Variants in CSMD1 observed in about 807,000 individuals in gnomAD.
The protein encoded by CSMD1 is CUB and Sushi multiple domains 1, also known as CUB and sushi domain-containing protein 1.
Under a neutral mutation model 417.5 loss-of-function variants are expected in CSMD1, and 213 were observed. The observed-to-expected ratio is 0.51, with a 90% CI of 0.46 to 0.57. The LOEUF (loss-of-function observed/expected upper bound fraction) is 0.57, where lower values mean the gene tolerates loss of function less well. Among genes scored for constraint, CSMD1 ranks in the 20% least tolerant of loss-of-function variants. The pLI is 0.00. For missense variants in CSMD1, 6,923 were observed against 4,529.7 expected (o/e 1.53, Z -15.17); for synonymous variants, 2,862 against 1,736.8 (o/e 1.65, Z -16.11).
At chr8:4,249,346 C>T (rs148174979) in intron 3 of CSMD1, among the ~76,000 whole-genome samples, 19 of 152,260 alleles carry the variant, frequency 1.2e-4, no homozygotes, top group East Asian at 1.2e-3. Flanking sequence ...TGGAATAAAG[C>T]GGTGTTCAGT....
Position 3,012,985 on chromosome 8 carries a change from C to G in CSMD1, c.8029+5492G>C, listed in dbSNP as rs181741383. On this transcript the variant is annotated intron_variant, in intron 52 of 69. Transcript: ENST00000635120. ...AAAGGGGAGTTCCCCTGCACACGCTCTCTTGCCTGTCACCATGTAAGATGT... is the reference window on the plus strand; with the variant it reads ...AAAGGGGAGTTCCCCTGCACACGCTGTCTTGCCTGTCACCATGTAAGATGT... 1.2e-4 allele frequency among the ~76,000 whole-genome samples: 18 copies of G among 152,362 alleles called. No individual in the cohort carries two copies. In the East Asian group the frequency reaches 2.7e-3, roughly 23 times the overall value.
chr8:3,227,387 G>C (rs975269629), intron 27 of CSMD1, among the ~76,000 whole-genome samples: 1 of 152,096 alleles, frequency 6.6e-6, no homozygotes, highest in Non-Finnish European at 1.5e-5. Context: ...AACTGAGTGA[G>C]ACTCTACCTC....
chr8:4,695,376 T>A (rs1303303918), intron 1 of CSMD1, among the ~76,000 whole-genome samples: 1 of 152,224 alleles, frequency 6.6e-6, no homozygotes, highest in Non-Finnish European at 1.5e-5. Context: ...TGTTCACATG[T>A]GTTATTTACA....
At chr8:4,222,265 G>A (rs1801075151) in intron 3 of CSMD1, among the ~76,000 whole-genome samples, 1 of 152,096 alleles carries the variant, frequency 6.6e-6, no homozygotes, top group Admixed American at 6.5e-5. Context: ...TCTTTTCCCA[G>A]TTATGATTTT....
intron 7 of CSMD1, among the ~76,000 whole-genome samples, chr8:3,634,946 C>G (rs2449214): frequency 3.9e-5 from 6 of 152,154 alleles, no homozygotes; most frequent in African/African-American, 1.4e-4. Flanking sequence ...CCACATGTGA[C>G]TGTACTGAAT....
chr8:4,462,373 T>A (rs1318131148), intron 2 of CSMD1, among the ~76,000 whole-genome samples: 1 of 152,132 alleles, frequency 6.6e-6, no homozygotes, highest in African/African-American at 2.4e-5. Context: ...AAATATTTCA[T>A]GTACATGAAT....
At chr8:4,894,389 C>A (rs758130415) in intron 1 of CSMD1, among the ~76,000 whole-genome samples, 1 of 151,698 alleles carries the variant, frequency 6.6e-6, no homozygotes, top group African/African-American at 2.4e-5. Context: ...TTCATATTCT[C>A]TCTTTCACTC....
intron 5 of CSMD1, among the ~76,000 whole-genome samples, chr8:3,838,547 A>G (rs1448063609): frequency 8.0e-6 from 1 of 124,704 alleles, no homozygotes; most frequent in African/African-American, 3.3e-5. Flanking sequence ...CTATATATGT[A>G]CTCTCTGTAG....
chr8:4,177,499 C>G (rs1443175289), intron 3 of CSMD1, among the ~76,000 whole-genome samples: 1 of 151,812 alleles, frequency 6.6e-6, no homozygotes, highest in Non-Finnish European at 1.5e-5. Context: ...AAATTGACAC[C>G]CGAACATCAC....
intron 1 of CSMD1, among the ~76,000 whole-genome samples, chr8:4,736,685 C>A (rs548724788): frequency 2.0e-5 from 3 of 151,970 alleles, no homozygotes; most frequent in Non-Finnish European, 2.9e-5. Context: ...GAAGATAAAT[C>A]GCAGGAAAAA....
At chr8:4,787,929 G>A in intron 1 of CSMD1, 2 of 1,592,234 alleles carry the variant, frequency 1.3e-6, no homozygotes, top group East Asian at 2.2e-5. Flanking sequence ...TGTTCTTGCT[G>A]ATGTAATTGA....
At chr8:4,344,054 C>T (rs1800637176) in intron 3 of CSMD1, among the ~76,000 whole-genome samples, 1 of 152,094 alleles carries the variant, frequency 6.6e-6, no homozygotes, top group Non-Finnish European at 1.5e-5. Context: ...TGTGTATGTG[C>T]GTGTGCGCAC....
chr8:4,384,447 G>T (rs899138317), intron 3 of CSMD1, among the ~76,000 whole-genome samples: 2 of 152,060 alleles, frequency 1.3e-5, no homozygotes, highest in Non-Finnish European at 2.9e-5. Flanking sequence ...ACACTTGCTG[G>T]TTTTTTCAAA....
intron 3 of CSMD1, among the ~76,000 whole-genome samples, chr8:4,321,066 T>A (rs960149680): frequency 3.3e-5 from 5 of 152,210 alleles, no homozygotes; most frequent in African/African-American, 7.2e-5. Context: ...AGATCTCTTA[T>A]GAAGTCTTGT....
rs1338687591 is a variant in CSMD1 at position 4,053,504 on chromosome 8, C to T, written c.416-21405G>A. Among the ~76,000 whole-genome samples, 5 of 152,132 alleles carry T rather than the reference C, an allele frequency of 3.3e-5. No individual in the cohort carries two copies. In the East Asian group the frequency reaches 7.7e-4, roughly 24 times the overall value. On this transcript the variant is annotated intron_variant, in intron 3 of 69. Coordinates refer to ENST00000635120, the MANE Select transcript of CSMD1 (RefSeq NM_033225.6). ...ACGCAATATATTCTTAAAACACCAT[C>T]GCAATCAAAATATGAAACACTTTTG...
chr8:4,183,951 C>T (rs954906057), intron 3 of CSMD1, among the ~76,000 whole-genome samples: 1 of 152,086 alleles, frequency 6.6e-6, no homozygotes, highest in Non-Finnish European at 1.5e-5. Context: ...ATGAACTGCT[C>T]CTGAGAACAC....
intron 5 of CSMD1, among the ~76,000 whole-genome samples, chr8:3,821,165 G>A (rs556918920): frequency 2.6e-5 from 4 of 152,024 alleles, no homozygotes; most frequent in Non-Finnish European, 5.9e-5. Flanking sequence ...TGATCCACCC[G>A]CCTCGGCCTC....
intron 3 of CSMD1, among the ~76,000 whole-genome samples, chr8:4,097,111 C>G (rs949779776): frequency 1.3e-5 from 2 of 152,092 alleles, no homozygotes; most frequent in African/African-American, 2.4e-5. Context: ...TGTGCCTTCC[C>G]CTCTCTGCAC....
At chr8:4,051,680 C>G (rs567478079) in intron 3 of CSMD1, among the ~76,000 whole-genome samples, 1 of 152,088 alleles carries the variant, frequency 6.6e-6, no homozygotes, top group South Asian at 2.1e-4. Context: ...CTGTACTGAT[C>G]AAGGCCAATT....
Sources: gnomAD v4.1 joint callset for allele counts (sites outside exome capture counted in the v4.1 genomes callset) on GRCh38, gnomAD v4.1.1 for gene constraint, MANE v1.5 for transcripts, NCBI Gene and HGNC (gene_info 2026-07-23, HGNC 2026-07-21) for gene names.